Variants in NIPA2 observed in about 807,000 individuals in gnomAD.
The protein encoded by NIPA2 is NIPA magnesium transporter 2.
In NIPA2, 11 loss-of-function variants were observed where a neutral mutation model predicts 29.7. The ratio of observed to expected loss-of-function variants is 0.37; its 90% CI spans 0.23 to 0.61. The LOEUF (loss-of-function observed/expected upper bound fraction) is 0.61, where lower values mean the gene tolerates loss of function less well. Among genes scored for constraint, NIPA2 ranks in the 20% least tolerant of loss-of-function variants. The probability of loss-of-function intolerance (pLI) is 0.66; values close to 1 mark genes in which losing one functional copy is unlikely to be tolerated. For missense variants in NIPA2, 426 were observed against 437.9 expected, an observed-to-expected ratio of 0.97 and a Z score of 0.24; for synonymous variants, 183 against 161.9, an observed-to-expected ratio of 1.13 and a Z score of -0.99.
intron 2 of NIPA2, among the ~76,000 whole-genome samples, chr15:22,844,793 C>T (rs1223377366): frequency 6.6e-6 from 1 of 152,078 alleles, no homozygotes; most frequent in Non-Finnish European, 1.5e-5. Context: ...AAGCCCTTCC[C>T]CTCCCACACA....
intron 7 of NIPA2, 47 bp from the exon 8 acceptor site, chr15:22,866,163 TAAG>T: frequency 1.3e-6 from 2 of 1,504,558 alleles, no homozygotes; most frequent in Non-Finnish European, 1.8e-6. Flanking sequence ...ATTCTGTGTT[TAAG>T]AACAACCAAC....
intron 3 of NIPA2, among the ~76,000 whole-genome samples, chr15:22,848,147 GTGACCC>G (rs1467533306): frequency 6.6e-6 from 1 of 152,136 alleles, no homozygotes; most frequent in Non-Finnish European, 1.5e-5. Context: ...TTGAAGTGAG[GTGACCC>G]TGACTCATGA....
In NIPA2 at chr15:22,853,252, G is replaced by C. The variant is rs1429492709; in HGVS notation, c.180G>C (p.Trp60Cys). ...CATATCTTAAGGAATGGTTGTGGTGGGCTGGACTGCTGTCAAGTATGTATA... is the reference window on the plus strand; with the variant it reads ...CATATCTTAAGGAATGGTTGTGGTGCGCTGGACTGCTGTCAAGTATGTATA... ...GHAYLKEWLW[W>C]AGLLSMGAGE... The change falls in exon 5 of 8, where the codon TGG (tryptophan) becomes TGC (cysteine). Residue 60 changes from tryptophan (W) to cysteine (C), a missense_variant. Coordinates refer to ENST00000337451, the MANE Select transcript of NIPA2 (RefSeq NM_030922.7). The C allele has an allele frequency of 6.2e-7, 1 of 1,609,234 alleles. No homozygotes were observed. The highest frequency in any genetic ancestry group is 8.5e-7 in the Non-Finnish European group (1 of 1,176,048).
At position 22,867,218 on chromosome 15, in the gene NIPA2, C is replaced by T; in HGVS notation, c.*371C>T. The T allele has an allele frequency of 2.5e-6, 1 of 407,238 alleles. No homozygotes were observed. The highest frequency in any genetic ancestry group is 4.3e-6 in the Non-Finnish European group (1 of 231,580). The allele number at this position is 407,238 out of a possible 1,614,324, so 25.2% of individuals were successfully genotyped here. On this transcript the variant is annotated 3_prime_UTR_variant, in exon 8 of 8. Coordinates refer to ENST00000337451, the MANE Select transcript of NIPA2 (RefSeq NM_030922.7). ...CATCCCCACTCCATCAATCCCTGAC[C>T]ATGTAAGGCTTTTTTATTTTAAAAA...
intron 4 of NIPA2, among the ~76,000 whole-genome samples, chr15:22,852,892 G>T (rs991031802): frequency 2.0e-5 from 3 of 152,168 alleles, no homozygotes; most frequent in Non-Finnish European, 2.9e-5. Context: ...TAATTCAGCA[G>T]TCAGAAAAAC....
chr15:22,855,306 A>G lies in NIPA2; in HGVS notation c.196+2038A>G, dbSNP rs532374643. 2.0e-5 allele frequency among the ~76,000 whole-genome samples: 3 copies of G among 151,994 alleles called. No homozygotes were observed. The South Asian group carries it at 6.2e-4, about 32-fold the overall frequency. On this transcript the variant is annotated intron_variant, in intron 5 of 7. Coordinates refer to ENST00000337451, the MANE Select transcript of NIPA2 (RefSeq NM_030922.7). Reference sequence around the variant, plus strand: ...GTGGTGCATGCCTGTAATCCCAGCTACTCGGGAGGCTGAGGCAGGAGAATC... The same window carrying G: ...GTGGTGCATGCCTGTAATCCCAGCTGCTCGGGAGGCTGAGGCAGGAGAATC...
At chr15:22,852,463 C>T (rs1360637602) in intron 4 of NIPA2, among the ~76,000 whole-genome samples, 2 of 96,858 alleles carry the variant, frequency 2.1e-5, no homozygotes, top group Non-Finnish European at 4.2e-5. Flanking sequence ...AGTGAGACTC[C>T]GTCTAAAAAA....
rs2141672943 is a variant in NIPA2 at position 22,866,256 on chromosome 15, A to G, written c.492A>G (p.Ile164Met). 6.2e-7 allele frequency: 1 copy of G among 1,613,956 alleles called. No individual in the cohort carries two copies. Among genetic ancestry groups the G allele is most frequent in the African/African-American group, 1.3e-5 (1 of 75,004 alleles). ...CCCTTGTGGTCATTGTGGCCTTGATATTAATCTTCGTGGTGGGTCCTCGCC... is the reference window on the plus strand; with the variant it reads ...CCCTTGTGGTCATTGTGGCCTTGATGTTAATCTTCGTGGTGGGTCCTCGCC... Reference protein sequence around the residue: ...FATLVVIVALILIFVVGPRHG... With the variant: ...FATLVVIVALMLIFVVGPRHG... The change falls in exon 8 of 8, where the codon ATA (isoleucine) becomes ATG (methionine). Residue 164 changes from isoleucine (I) to methionine (M), a missense_variant. Transcript: ENST00000337451.
intron 4 of NIPA2, 64 bp downstream of exon 4, chr15:22,851,934 G>T: frequency 7.3e-7 from 1 of 1,363,886 alleles, no homozygotes. Context: ...CAGGTTCTTT[G>T]TACAAGACCA....
At position 22,853,224 on chromosome 15, in the gene NIPA2, A is replaced by G. The variant is rs757674080; in HGVS notation, c.152A>G (p.His51Arg). The change falls in exon 5 of 8, where the codon CAT (histidine) becomes CGT (arginine). Residue 51 changes from histidine to arginine, a missense_variant. Around this residue, in one of 3 missense-constraint regions of NIPA2, gnomAD observed 57 missense variants for 66.6 expected, o/e 0.86. Transcript: ENST00000337451. ...KGSMRAGQGG[H>R]AYLKEWLWWA... Reference sequence around the variant, plus strand: ...TCTTCATTCACAGGTCAAGGTGGCCATGCATATCTTAAGGAATGGTTGTGG... The same window carrying G: ...TCTTCATTCACAGGTCAAGGTGGCCGTGCATATCTTAAGGAATGGTTGTGG... 5.0e-6 allele frequency: 8 copies of G among 1,609,868 alleles called. No individual in the cohort carries two copies. Among genetic ancestry groups the G allele is most frequent in the Non-Finnish European group, 8.5e-7 (1 of 1,176,244 alleles).
chr15:22,852,568 C>T (rs1379851688), intron 4 of NIPA2, among the ~76,000 whole-genome samples: 1 of 151,286 alleles, frequency 6.6e-6, no homozygotes, highest in Non-Finnish European at 1.5e-5. Context: ...GACATTTTGG[C>T]AGGAAGGAAA....
chr15:22,839,298 T>C, intron 1 of NIPA2: 1 of 152,352 alleles, frequency 6.6e-6, no homozygotes, highest in South Asian at 2.1e-4. Flanking sequence ...AATCACGGAA[T>C]CCTATTTCCC....
intron 5 of NIPA2, among the ~76,000 whole-genome samples, chr15:22,855,786 T>TA (rs1306765213): frequency 1.3e-5 from 2 of 152,108 alleles, no homozygotes; most frequent in Non-Finnish European, 2.9e-5. Context: ...GATCTGCCCA[T>TA]ATGATATTTG....
At chr15:22,859,872 C>G (rs2058497988) in intron 6 of NIPA2, among the ~76,000 whole-genome samples, 1 of 151,658 alleles carries the variant, frequency 6.6e-6, no homozygotes, top group African/African-American at 2.4e-5. Context: ...GCTGTATTTT[C>G]TTTTTAGGTC....
Position 22,863,148 on chromosome 15 carries a change from G to A in NIPA2, c.448+2359G>A, listed in dbSNP as rs983307614. Among the ~76,000 whole-genome samples, 24 of 151,238 alleles carry A rather than the reference G, an allele frequency of 1.6e-4. 1 individual carries two copies. The highest frequency in any genetic ancestry group is 1.2e-3 in the Admixed American group (18 of 15,184). ...GGCTGGAGCACAGTGGTGCAGTCTC[G>A]GCTCATTGCTCCCTCTGCCTCCTGG... On this transcript the variant is annotated intron_variant, in intron 7 of 7. Transcript: ENST00000337451.
At position 22,853,440 on chromosome 15, in the gene NIPA2, C is replaced by A. The variant is rs1356514062; in HGVS notation, c.196+172C>A. 3.0e-4 allele frequency among the ~76,000 whole-genome samples: 44 copies of A among 146,334 alleles called. 1 individual carries two copies. The Admixed American group carries it at 3.1e-3, about 10-fold the overall frequency. ...CCAGGCTGGAGTGCAGTGGCGTGAT[C>A]TTGGCTCAGTGCAACCTCCACCTCC... On this transcript the variant is annotated intron_variant, in intron 5 of 7. Coordinates refer to ENST00000337451, the MANE Select transcript of NIPA2 (RefSeq NM_030922.7).
At chr15:22,851,892 T>G (rs2057769452) in intron 4 of NIPA2, 22 bp downstream of exon 4, 5 of 1,605,788 alleles carry the variant, frequency 3.1e-6, no homozygotes, top group Non-Finnish European at 3.4e-6. Context: ...CTTATGTGAC[T>G]TTGAAGTGAC....
At chr15:22,849,017 A>G (rs2057508227) in intron 3 of NIPA2, among the ~76,000 whole-genome samples, 1 of 152,106 alleles carries the variant, frequency 6.6e-6, no homozygotes, top group African/African-American at 2.4e-5. Context: ...TCAACAAGCC[A>G]TGCAGGATGC....
intron 3 of NIPA2, among the ~76,000 whole-genome samples, chr15:22,848,146 G>T (rs770711064): frequency 2.6e-5 from 4 of 152,116 alleles, no homozygotes; most frequent in Admixed American, 6.5e-5. Flanking sequence ...ATTGAAGTGA[G>T]GTGACCCTGA....
Sources: gnomAD v4.1 joint callset for allele counts (sites outside exome capture counted in the v4.1 genomes callset) on GRCh38, gnomAD v4.1.1 for gene constraint, gnomAD v4.1.1 regional missense constraint, MANE v1.5 for transcripts, NCBI Gene and HGNC (gene_info 2026-07-23, HGNC 2026-07-21) for gene names.